The following PPP1R12B variants were observed in gnomAD, a reference collection of about 807,000 sequenced individuals.
PPP1R12B encodes myosin phosphatase target subunit 2.
A neutral mutation model predicts 126.1 loss-of-function variants in PPP1R12B; 76 were observed. That is an observed-to-expected ratio of 0.60 (90% CI 0.50 to 0.73). PPP1R12B has a LOEUF of 0.73. PPP1R12B is among the 30% of genes least tolerant of loss of function. The pLI is 0.00. For synonymous variants in PPP1R12B, 356 were observed against 434.7 expected (o/e 0.82, Z 2.25); for missense variants, 1,052 against 1,205.1 (o/e 0.87, Z 1.88).
At chr1:202,368,095 G>A (rs574931513) in intron 1 of PPP1R12B, among the ~76,000 whole-genome samples, 1 of 151,926 alleles carries the variant, frequency 6.6e-6, no homozygotes, top group African/African-American at 2.4e-5. Context: ...TCAGTTTCCC[G>A]AGTAGCTGGG....
Position 202,588,824 on chromosome 1 carries a change from A to AAGATAGATAGATAGATAGATAGATAGAT in PPP1R12B, c.*8286_*8313dup, listed in dbSNP as rs67919482. On this transcript the variant is annotated 3_prime_UTR_variant, in exon 24 of 24. Coordinates refer to ENST00000608999, the MANE Select transcript of PPP1R12B (RefSeq NM_002481.4). ...CTAGATTGGCGTTCAAAAGAACCGTAAGATAGATAGATAGATAGATAGATA... is the reference window on the plus strand; with the variant it reads ...CTAGATTGGCGTTCAAAAGAACCGTAAGATAGATAGATAGATAGATAGATAGATAGATAGATAGATAGATAGATAGATA... The AAGATAGATAGATAGATAGATAGATAGAT allele has an allele frequency of 5.5e-5, 8 of 144,230 alleles. No homozygotes were observed. The highest frequency in any genetic ancestry group is 2.0e-4 in the East Asian group (1 of 4,896). The allele number at this position is 144,230 out of a possible 1,614,324, so 8.9% of individuals were successfully genotyped here.
At chr1:202,378,352 T>C (rs1264537621) in intron 1 of PPP1R12B, among the ~76,000 whole-genome samples, 1 of 151,584 alleles carries the variant, frequency 6.6e-6, no homozygotes, top group Non-Finnish European at 1.5e-5. Context: ...TCTCTTTCCT[T>C]TCTCTTCAAA....
At chr1:202,556,892 G>A (rs571931024) in intron 18 of PPP1R12B, among the ~76,000 whole-genome samples, 3 of 152,336 alleles carry the variant, frequency 2.0e-5, no homozygotes, top group African/African-American at 7.2e-5. Context: ...TTTCCTGGAC[G>A]TGAATTTTAA....
Position 202,422,615 on chromosome 1 carries a change from C to T in PPP1R12B, c.423-5C>T, listed in dbSNP as rs12739262. On this transcript the variant is annotated splice_region_variant and splice_polypyrimidine_tract_variant and intron_variant, in intron 2 of 23. Transcript: ENST00000608999. ...TAATATTGATCCTGGATCTTGTCTA[C>T]GCAGGTATTTCATTAATCACGGAGC... The T allele has an allele frequency of 6.0e-5, 97 of 1,612,104 alleles. 1 individual carries two copies. Among genetic ancestry groups the T allele is most frequent in the Admixed American group, 3.0e-4 (18 of 59,986 alleles).
At chr1:202,427,901 C>T (rs1281682285) in intron 5 of PPP1R12B, among the ~76,000 whole-genome samples, 1 of 152,124 alleles carries the variant, frequency 6.6e-6, no homozygotes, top group Non-Finnish European at 1.5e-5. Flanking sequence ...CCGCCTGCCT[C>T]AGCCTCCCAA....
chr1:202,518,762 G>C (rs565324746), intron 18 of PPP1R12B, among the ~76,000 whole-genome samples: 1 of 152,230 alleles, frequency 6.6e-6, no homozygotes, highest in South Asian at 2.1e-4. Context: ...AAATGCTTTG[G>C]TAACACACTT....
intron 1 of PPP1R12B, among the ~76,000 whole-genome samples, chr1:202,381,746 A>G (rs1184554744): frequency 1.3e-5 from 2 of 152,182 alleles, no homozygotes; most frequent in African/African-American, 4.8e-5. Context: ...GTTAATACGT[A>G]GCATGTTAAT....
intron 18 of PPP1R12B, among the ~76,000 whole-genome samples, chr1:202,547,084 G>T (rs1207363209): frequency 6.6e-6 from 1 of 152,148 alleles, no homozygotes; most frequent in Non-Finnish European, 1.5e-5. Flanking sequence ...TATGAGTTTT[G>T]TGTTGGGTTC....
rs1013907554 is a variant in PPP1R12B at position 202,583,999 on chromosome 1, C to G, written c.*3439C>G. On this transcript the variant is annotated 3_prime_UTR_variant, in exon 24 of 24. Transcript: ENST00000608999. ...GATTCTGGGGCTAAAGTTTGTTTTT[C>G]CAGGGCTGCTGATCCTTTTCCAGAT... 3 of 152,164 alleles carry G rather than the reference C, an allele frequency of 2.0e-5. No individual in the cohort carries two copies. The highest frequency in any genetic ancestry group is 2.9e-5 in the Non-Finnish European group (2 of 68,042). The allele number at this position is 152,164 out of a possible 1,614,324, so 9.4% of individuals were successfully genotyped here. A position where few individuals can be genotyped will look rare whatever the true frequency, so the allele number is the denominator to read the frequency against.
chr1:202,503,795 T>C (rs896131157), intron 18 of PPP1R12B, among the ~76,000 whole-genome samples: 17 of 151,854 alleles, frequency 1.1e-4, no homozygotes, highest in Non-Finnish European at 2.1e-4. Context: ...TTTTTTTTTT[T>C]CAAGGGCTAT....
At chr1:202,542,714 A>G (rs1436865150) in intron 18 of PPP1R12B, among the ~76,000 whole-genome samples, 1 of 152,174 alleles carries the variant, frequency 6.6e-6, no homozygotes, top group East Asian at 1.9e-4. Context: ...GGGACCATGG[A>G]GCCCACAGAA....
At chr1:202,407,720 A>G (rs1666817071) in intron 1 of PPP1R12B, among the ~76,000 whole-genome samples, 1 of 152,130 alleles carries the variant, frequency 6.6e-6, no homozygotes, top group Non-Finnish European at 1.5e-5. Flanking sequence ...TGGATCAGTC[A>G]ATCTTAACTA....
intron 1 of PPP1R12B, among the ~76,000 whole-genome samples, chr1:202,387,948 C>G (rs1571755131): frequency 6.6e-6 from 1 of 151,786 alleles, no homozygotes; most frequent in Non-Finnish European, 1.5e-5. Context: ...ATGGGATAGA[C>G]TAGCCATTGT....
intron 12 of PPP1R12B, chr1:202,444,972 G>T: frequency 8.6e-7 from 1 of 1,168,232 alleles, no homozygotes; most frequent in Non-Finnish European, 1.1e-6. Flanking sequence ...GCACAATCTG[G>T]GTGGGAAGGT....
intron 1 of PPP1R12B, among the ~76,000 whole-genome samples, chr1:202,373,932 ATAT>A (rs1225917365): frequency 7.9e-5 from 12 of 152,236 alleles, no homozygotes; most frequent in African/African-American, 2.9e-4. Flanking sequence ...AAGAAATAAA[ATAT>A]TATTTCTAAT....
intron 15 of PPP1R12B, 57 bp from the exon 16 acceptor site, chr1:202,495,236 T>C: frequency 6.9e-7 from 1 of 1,455,490 alleles, no homozygotes; most frequent in Non-Finnish European, 9.2e-7. Flanking sequence ...AAACCTGCTG[T>C]CCTTACTCTT....
In PPP1R12B at chr1:202,438,908, G is replaced by T. The variant is rs557586608; in HGVS notation, c.1458+884G>T. On this transcript the variant is annotated intron_variant, in intron 10 of 23. Transcript: ENST00000608999. Reference sequence around the variant, plus strand: ...GGAGCCCATACATCCACCGCACGCGGCCCTGTGCCTGGAGGTGACCCCGAA... The same window carrying T: ...GGAGCCCATACATCCACCGCACGCGTCCCTGTGCCTGGAGGTGACCCCGAA... 18 of 1,504,262 alleles carry T rather than the reference G, an allele frequency of 1.2e-5. No individual in the cohort carries two copies. The African/African-American group carries it at 2.2e-4, about 18-fold the overall frequency. The allele number at this position is 1,504,262 out of a possible 1,614,324, so 93.2% of individuals were successfully genotyped here.
chr1:202,364,639 T>G (rs189357252), intron 1 of PPP1R12B, among the ~76,000 whole-genome samples: 18 of 152,012 alleles, frequency 1.2e-4, no homozygotes, highest in Non-Finnish European at 2.1e-4. Flanking sequence ...TGCAGTGGCA[T>G]GATCTCGGCT....
chr1:202,571,602 TG>T (rs1483580615), intron 23 of PPP1R12B, among the ~76,000 whole-genome samples: 1 of 152,236 alleles, frequency 6.6e-6, no homozygotes. Context: ...TAGTAGTGTG[TG>T]CCACCACACC....
Sources: allele counts gnomAD v4.1 joint callset (sites outside exome capture counted in the v4.1 genomes callset), GRCh38; gene constraint gnomAD v4.1.1; transcripts MANE v1.5; gene names NCBI Gene and HGNC (gene_info 2026-07-23, HGNC 2026-07-21).